The following KCNIP1 variants were observed in gnomAD, a reference collection of about 807,000 sequenced individuals.
The protein encoded by KCNIP1 is potassium voltage-gated channel interacting protein 1, also known as A-type potassium channel modulatory protein KCNIP1.
KCNIP1 carries 18 observed loss-of-function variants against 33.0 expected under a neutral mutation model. The observed-to-expected ratio is 0.55, with a 90% confidence interval of 0.38 to 0.81. The LOEUF is 0.81. KCNIP1 is among the 30% of genes least tolerant of loss of function. KCNIP1 has a pLI of 0.00. For missense variants in KCNIP1, 238 were observed against 271.6 expected, an observed-to-expected ratio of 0.88 and a Z score of 0.87; for synonymous variants, 93 against 98.3, an observed-to-expected ratio of 0.95 and a Z score of 0.32.
chr5:170,477,046 A>G (rs1305463739), intron 1 of KCNIP1, among the ~76,000 whole-genome samples: 1 of 152,212 alleles, frequency 6.6e-6, no homozygotes, highest in Non-Finnish European at 1.5e-5. Flanking sequence ...GGGAAGCTGT[A>G]AGTGTATGGA....
At chr5:170,631,699 A>G (rs1175016238) in intron 1 of KCNIP1, among the ~76,000 whole-genome samples, 1 of 152,070 alleles carries the variant, frequency 6.6e-6, no homozygotes, top group African/African-American at 2.4e-5. Flanking sequence ...AACCCCTCAA[A>G]TCTCCTCCCC....
At chr5:170,435,717 GAAGT>G (rs1286227760) in intron 1 of KCNIP1, among the ~76,000 whole-genome samples, 3 of 152,226 alleles carry the variant, frequency 2.0e-5, no homozygotes, top group South Asian at 2.1e-4. Flanking sequence ...GGTTACAGGA[GAAGT>G]AAGTGAGGGA....
intron 1 of KCNIP1, among the ~76,000 whole-genome samples, chr5:170,391,340 TAAAC>T (rs3834723): frequency 0.032 from 4,812 of 152,264 alleles, 201 homozygotes; most frequent in East Asian, 0.24. Context: ...TTGGAAATCA[TAAAC>T]AAACTTTAGC....
chr5:170,534,492 G>A (rs67117561), intron 1 of KCNIP1, among the ~76,000 whole-genome samples: 13 of 85,118 alleles, frequency 1.5e-4, no homozygotes, highest in African/African-American at 1.1e-3. Flanking sequence ...GGAGGAGGAG[G>A]AGGAGGAGAA....
At chr5:170,663,852 G>T (rs1242652781) in intron 1 of KCNIP1, among the ~76,000 whole-genome samples, 1 of 151,856 alleles carries the variant, frequency 6.6e-6, no homozygotes, top group Admixed American at 6.6e-5. Context: ...CTCCCAACTG[G>T]CCTGTGCGTT....
intron 1 of KCNIP1, among the ~76,000 whole-genome samples, chr5:170,395,305 G>A (rs1754730798): frequency 6.6e-6 from 1 of 152,198 alleles, no homozygotes; most frequent in African/African-American, 2.4e-5. Context: ...CTGGTACGAG[G>A]TGACATCTCA....
At chr5:170,501,275 A>G (rs1367040281), upstream of KCNIP1, among the ~76,000 whole-genome samples, 2 of 152,144 alleles carry the variant, frequency 1.3e-5, no homozygotes, top group Non-Finnish European at 2.9e-5. Flanking sequence ...AGAAGGAGAA[A>G]GAGGTGAGGA....
At chr5:170,466,539 G>T (rs1258221204) in intron 1 of KCNIP1, among the ~76,000 whole-genome samples, 1 of 152,094 alleles carries the variant, frequency 6.6e-6, no homozygotes, top group East Asian at 1.9e-4. Context: ...ATTAGAAACA[G>T]AAAAGGTGTC....
At chr5:170,475,174 C>T (rs1756827865) in intron 1 of KCNIP1, among the ~76,000 whole-genome samples, 1 of 152,234 alleles carries the variant, frequency 6.6e-6, no homozygotes, top group African/African-American at 2.4e-5. Flanking sequence ...GTGCATTTTA[C>T]AATCCCCTTG....
At chr5:170,436,288 C>G (rs1322397803) in intron 1 of KCNIP1, among the ~76,000 whole-genome samples, 1 of 152,194 alleles carries the variant, frequency 6.6e-6, no homozygotes, top group Non-Finnish European at 1.5e-5. Context: ...AGACTGTAGA[C>G]GCTGGGTAAA....
intron 1 of KCNIP1, among the ~76,000 whole-genome samples, chr5:170,510,948 C>T (rs1250937268): frequency 6.6e-6 from 1 of 152,186 alleles, no homozygotes; most frequent in Non-Finnish European, 1.5e-5. Flanking sequence ...TGGTGGCTCA[C>T]ATCTGTAATC....
chr5:170,586,477 A>T (rs1306298008), intron 1 of KCNIP1, among the ~76,000 whole-genome samples: 1 of 152,148 alleles, frequency 6.6e-6, no homozygotes, highest in East Asian at 1.9e-4. Context: ...CAGAAATTGA[A>T]TTACCTTTGG....
At chr5:170,472,761 A>G (rs1007910153) in intron 1 of KCNIP1, among the ~76,000 whole-genome samples, 2 of 152,178 alleles carry the variant, frequency 1.3e-5, no homozygotes, top group African/African-American at 4.8e-5. Context: ...CTGATAATTC[A>G]TTCCTTTTTA....
intron 1 of KCNIP1, among the ~76,000 whole-genome samples, chr5:170,441,234 G>A (rs568994971): frequency 1.3e-5 from 2 of 152,222 alleles, no homozygotes; most frequent in Non-Finnish European, 2.9e-5. Flanking sequence ...TCATGCAACC[G>A]TGTGTGCACA....
At chr5:170,732,962 C>T (rs1484934202) in intron 6 of KCNIP1, 58 bp downstream of exon 6, 17 of 1,024,692 alleles carry the variant, frequency 1.7e-5, no homozygotes, top group East Asian at 9.5e-5. Flanking sequence ...AGTCAACCCA[C>T]GAGCATCTGA....
intron 1 of KCNIP1, among the ~76,000 whole-genome samples, chr5:170,613,261 G>A (rs141952819): frequency 2.6e-5 from 4 of 152,254 alleles, no homozygotes; most frequent in East Asian, 1.9e-4. Context: ...TGTGTCCATC[G>A]CTCCATCCAT....
At chr5:170,701,171 T>C (rs1054777951) in intron 1 of KCNIP1, among the ~76,000 whole-genome samples, 9 of 152,188 alleles carry the variant, frequency 5.9e-5, no homozygotes, top group African/African-American at 2.2e-4. Context: ...TCGCAAGATA[T>C]TATCCTTATA....
intron 1 of KCNIP1, among the ~76,000 whole-genome samples, chr5:170,420,783 C>A (rs1262528013): frequency 6.6e-6 from 1 of 151,932 alleles, no homozygotes; most frequent in East Asian, 1.9e-4. Flanking sequence ...AGGAAATAGT[C>A]ATTCATGAAA....
chr5:170,475,494 C>A (rs1756836889), intron 1 of KCNIP1, among the ~76,000 whole-genome samples: 1 of 152,220 alleles, frequency 6.6e-6, no homozygotes, highest in South Asian at 2.1e-4. Flanking sequence ...CACGGCTGTC[C>A]TGGAACAAGA....
Sources: allele counts gnomAD v4.1 joint callset (sites outside exome capture counted in the v4.1 genomes callset), GRCh38; gene constraint gnomAD v4.1.1; transcripts MANE v1.5; gene names NCBI Gene and HGNC (gene_info 2026-07-23, HGNC 2026-07-21).